GRIK1: variants seen among roughly 807,000 people sequenced by gnomAD.
GRIK1 encodes glutamate receptor ionotropic, kainate 1.
GRIK1 carries 69 observed loss-of-function variants against 105.7 expected under a neutral mutation model. The ratio of observed to expected loss-of-function variants is 0.65; its 90% CI spans 0.54 to 0.80. The LOEUF (loss-of-function observed/expected upper bound fraction) is 0.80, where lower values mean the gene tolerates loss of function less well. Among genes scored for constraint, GRIK1 ranks in the 30% least tolerant of loss-of-function variants. The pLI is 0.00. For missense variants in GRIK1, 1,109 were observed against 1,167.3 expected, an observed-to-expected ratio of 0.95 and a Z score of 0.73; for synonymous variants, 438 against 431.3, an observed-to-expected ratio of 1.02 and a Z score of -0.19.
At position 29,802,968 on chromosome 21, in the gene GRIK1, A is replaced by G. The variant is rs2066754718; in HGVS notation, c.119-108905T>C. 2.0e-5 allele frequency among the ~76,000 whole-genome samples: 3 copies of G among 152,246 alleles called. No homozygotes were observed. The South Asian group carries it at 6.2e-4, about 31-fold the overall frequency. ...CAGTCATAGTGTCCAGCACAGTCCT[A>G]TAGATATGAAGGTTTCTTATTAATT... On this transcript the variant is annotated intron_variant, in intron 1 of 17. Transcript: ENST00000327783.
intron 1 of GRIK1, among the ~76,000 whole-genome samples, chr21:29,879,723 G>A (rs185035602): frequency 7.9e-4 from 120 of 152,120 alleles, no homozygotes; most frequent in African/African-American, 2.6e-3. Context: ...TAGGAAAAAC[G>A]GTAGCTCTTT....
chr21:29,787,973 C>T (rs112909999), intron 1 of GRIK1, among the ~76,000 whole-genome samples: 360 of 152,276 alleles, frequency 2.4e-3, no homozygotes, highest in African/African-American at 7.9e-3. Flanking sequence ...AATCTTTGTA[C>T]GAAGTTTCTC....
At chr21:29,846,128 C>T (rs926250349) in intron 1 of GRIK1, among the ~76,000 whole-genome samples, 2 of 152,046 alleles carry the variant, frequency 1.3e-5, no homozygotes, top group African/African-American at 2.4e-5. Context: ...CAGTGGCTCA[C>T]GCCTGTAATC....
intron 3 of GRIK1, among the ~76,000 whole-genome samples, chr21:29,689,327 C>T (rs1490127168): frequency 2.0e-5 from 3 of 152,104 alleles, no homozygotes; most frequent in African/African-American, 2.4e-5. Flanking sequence ...TGTTAACTTA[C>T]GTTAGAAACT....
intron 12 of GRIK1, among the ~76,000 whole-genome samples, chr21:29,583,791 T>A (rs1212346878): frequency 6.6e-6 from 1 of 152,190 alleles, no homozygotes; most frequent in Non-Finnish European, 1.5e-5. Context: ...TGGCTTTTTA[T>A]AAGGCAATAG....
Position 29,598,951 on chromosome 21 carries a change from G to A in GRIK1, c.1099-14C>T, listed in dbSNP as rs779877455. On this transcript the variant is annotated splice_polypyrimidine_tract_variant and intron_variant, in intron 7 of 17. Coordinates refer to ENST00000327783, the MANE Select transcript of GRIK1 (RefSeq NM_001330994.2). ...ATCCCACCGGGCCTGTGGACAAGAA[G>A]AAATGTGGCTGTTATTGTTAAACAT... 8.5e-7 allele frequency: 1 copy of A among 1,179,674 alleles called. No homozygotes were observed. The highest frequency in any genetic ancestry group is 1.3e-5 in the South Asian group (1 of 75,556). The allele number at this position is 1,179,674 out of a possible 1,614,324, so 73.1% of individuals were successfully genotyped here.
At chr21:29,714,754 T>G (rs574004144) in intron 1 of GRIK1, among the ~76,000 whole-genome samples, 35 of 152,328 alleles carry the variant, frequency 2.3e-4, no homozygotes, top group Non-Finnish European at 3.1e-4. Flanking sequence ...CTGTAAATAC[T>G]TTTTTATAGC....
intron 1 of GRIK1, among the ~76,000 whole-genome samples, chr21:29,865,558 A>T (rs1038940081): frequency 1.3e-5 from 2 of 152,192 alleles, no homozygotes; most frequent in African/African-American, 4.8e-5. Flanking sequence ...AGACAAGCAG[A>T]TTTCAGCAAG....
intron 7 of GRIK1, among the ~76,000 whole-genome samples, chr21:29,633,879 T>G (rs1372041397): frequency 6.6e-6 from 1 of 152,154 alleles, no homozygotes; most frequent in African/African-American, 2.4e-5. Context: ...AATGGAAATT[T>G]TTTCTGAAGA....
At chr21:29,867,880 G>A (rs59802538) in intron 1 of GRIK1, among the ~76,000 whole-genome samples, 6 of 15,428 alleles carry the variant, frequency 3.9e-4, no homozygotes, top group Non-Finnish European at 8.3e-4. Context: ...GAGAGAAAGA[G>A]AGAGAAAGAG....
intron 1 of GRIK1, among the ~76,000 whole-genome samples, chr21:29,718,103 G>A (rs1236199049): frequency 1.3e-5 from 2 of 152,098 alleles, no homozygotes; most frequent in African/African-American, 4.8e-5. Context: ...ATAATTGTAA[G>A]TTTCCTGAGG....
At chr21:29,658,673 A>G (rs1008245906) in intron 4 of GRIK1, among the ~76,000 whole-genome samples, 1 of 152,226 alleles carries the variant, frequency 6.6e-6, no homozygotes, top group African/African-American at 2.4e-5. Context: ...TTATGTATCT[A>G]AAATAGGCAG....
chr21:29,600,366 A>G (rs2061496438), intron 7 of GRIK1, among the ~76,000 whole-genome samples: 1 of 152,166 alleles, frequency 6.6e-6, no homozygotes, highest in Admixed American at 6.5e-5. Context: ...CAGAACTCAC[A>G]TTGGGTATCT....
At chr21:29,908,081 T>A (rs1461752582) in intron 1 of GRIK1, among the ~76,000 whole-genome samples, 1 of 152,104 alleles carries the variant, frequency 6.6e-6, no homozygotes, top group African/African-American at 2.4e-5. Context: ...TGGGCACTTA[T>A]TATACACCAG....
intron 1 of GRIK1, among the ~76,000 whole-genome samples, chr21:29,915,844 A>G (rs2070976978): frequency 4.6e-5 from 7 of 151,994 alleles, no homozygotes; most frequent in Admixed American, 2.6e-4. Flanking sequence ...TTGTGGTTTA[A>G]TCCAGATCCC....
Position 29,774,729 on chromosome 21 carries a change from C to T in GRIK1, c.119-80666G>A, listed in dbSNP as rs567626714. 1.2e-4 allele frequency among the ~76,000 whole-genome samples: 18 copies of T among 152,074 alleles called. No individual in the cohort carries two copies. In the South Asian group the frequency reaches 3.5e-3, roughly 30 times the overall value. On this transcript the variant is annotated intron_variant, in intron 1 of 17. Coordinates refer to ENST00000327783, the MANE Select transcript of GRIK1 (RefSeq NM_001330994.2). ...CCTCACAAAGTGTTGGGATTACAGG[C>T]GTGAGCCACTGCATCAAGTGCTGTT...
chr21:29,700,049 T>C (rs1032538654), intron 1 of GRIK1, among the ~76,000 whole-genome samples: 2 of 152,214 alleles, frequency 1.3e-5, no homozygotes, highest in African/African-American at 4.8e-5. Flanking sequence ...AGATTCTGAC[T>C]TTACAGCGCA....
intron 14 of GRIK1, among the ~76,000 whole-genome samples, chr21:29,576,049 C>CA (rs976829789): frequency 5.3e-5 from 8 of 150,004 alleles, no homozygotes; most frequent in Non-Finnish European, 7.4e-5. Flanking sequence ...TTTTTTTTCC[C>CA]AAAAAAAACT....
At chr21:29,929,117 G>A (rs1476761336) in intron 1 of GRIK1, among the ~76,000 whole-genome samples, 2 of 152,104 alleles carry the variant, frequency 1.3e-5, no homozygotes, top group African/African-American at 4.8e-5. Context: ...CTGCAGAGGG[G>A]ATTACAGATA....
Sources: allele counts gnomAD v4.1 joint callset (sites outside exome capture counted in the v4.1 genomes callset), GRCh38; gene constraint gnomAD v4.1.1; transcripts MANE v1.5; gene names NCBI Gene and HGNC (gene_info 2026-07-23, HGNC 2026-07-21).